COL6A5: variants seen among roughly 807,000 people sequenced by gnomAD.
COL6A5 encodes the protein collagen type VI alpha 5 chain, also known as collagen alpha-5(VI) chain.
A neutral mutation model predicts 65.6 loss-of-function variants in COL6A5; 48 were observed. The ratio of observed to expected loss-of-function variants is 0.73; its 90% CI spans 0.58 to 0.93. The LOEUF is 0.93. Ranked by LOEUF, COL6A5 falls within the 40% of genes least tolerant of loss-of-function variation. The pLI, the probability that COL6A5 is intolerant of heterozygous loss-of-function variation, is 0.00. For missense variants in COL6A5, 914 were observed against 928.3 expected, an observed-to-expected ratio of 0.98 and a Z score of 0.20; for synonymous variants, 291 against 322.8, an observed-to-expected ratio of 0.90 and a Z score of 1.05.
chr3:130,368,083 C>T (rs1325907901), intron 1 of COL6A5, among the ~76,000 whole-genome samples: 2 of 152,190 alleles, frequency 1.3e-5, no homozygotes, highest in African/African-American at 4.8e-5. Flanking sequence ...CCAGAGCTGA[C>T]CCTGGAAGAT....
intron 1 of COL6A5, among the ~76,000 whole-genome samples, chr3:130,363,998 T>C (rs1935236418): frequency 1.3e-5 from 2 of 152,176 alleles, no homozygotes; most frequent in Non-Finnish European, 2.9e-5. Flanking sequence ...GCTTAGTTTT[T>C]CACTTGTTTT....
At chr3:130,438,030 G>T (rs573624720) in intron 1 of COL6A5, among the ~76,000 whole-genome samples, 3 of 151,848 alleles carry the variant, frequency 2.0e-5, no homozygotes, top group Non-Finnish European at 4.4e-5. Context: ...GAAAAGTCTC[G>T]CTCTGTCACC....
At chr3:130,447,022 C>T (rs932603567) in intron 4 of COL6A5, among the ~76,000 whole-genome samples, 5 of 152,094 alleles carry the variant, frequency 3.3e-5, no homozygotes, top group Non-Finnish European at 5.9e-5. Context: ...GCGATTGGCC[C>T]GTTCCACCAC....
intron 7 of COL6A5, among the ~76,000 whole-genome samples, chr3:130,472,878 T>C (rs1559921559): frequency 7.2e-6 from 1 of 138,070 alleles, no homozygotes; most frequent in Non-Finnish European, 1.6e-5. Flanking sequence ...TAAATATAGA[T>C]ATAGTTAAAG....
chr3:130,455,231 G>T (rs1229909419), intron 4 of COL6A5, among the ~76,000 whole-genome samples: 2 of 151,664 alleles, frequency 1.3e-5, no homozygotes, highest in Non-Finnish European at 2.9e-5. Flanking sequence ...ATAGGCTCTA[G>T]ACAGTTGTGA....
chr3:130,424,348 A>G lies in COL6A5; in HGVS notation c.5163+448A>G, dbSNP rs546375068. Among the ~76,000 whole-genome samples, 9 of 152,164 alleles carry G rather than the reference A, an allele frequency of 5.9e-5. No individual in the cohort carries two copies. The South Asian group carries it at 1.5e-3, about 25-fold the overall frequency. ...TGGAAATATAGGCGCAACTTCCCCT[A>G]TGATTCTATTACAAGAAAAATGGCA... On this transcript the variant is annotated intron_variant and NMD_transcript_variant, in intron 29 of 41. Coordinates refer to the COL6A5 transcript ENST00000312481.
At chr3:130,431,316 C>G (rs1352419242), upstream of COL6A5, 1 of 888,390 alleles carries the variant, frequency 1.1e-6, no homozygotes, top group African/African-American at 1.7e-5. Flanking sequence ...GATTTCTTTC[C>G]TTTCTTTGCA....
chr3:130,381,852 T>C (rs1936006835), intron 4 of COL6A5, among the ~76,000 whole-genome samples: 1 of 152,110 alleles, frequency 6.6e-6, no homozygotes, highest in South Asian at 2.1e-4. Context: ...TTTCAGGAGT[T>C]TGCAATGATG....
intron 1 of COL6A5, among the ~76,000 whole-genome samples, chr3:130,350,287 A>G (rs1461964398): frequency 2.0e-5 from 3 of 152,194 alleles, no homozygotes; most frequent in Non-Finnish European, 4.4e-5. Flanking sequence ...CCTATTCAAC[A>G]TAGTGTTGGA....
chr3:130,397,612 G>A lies in COL6A5; in HGVS notation c.3598G>A (p.Asp1200Asn), dbSNP rs756549440. 2.2e-4 allele frequency: 334 copies of A among 1,550,960 alleles called. No individual in the cohort carries two copies. In the Middle Eastern group the frequency reaches 4.1e-3, roughly 19 times the overall value. The change falls in exon 9 of 42, where the codon GAC (aspartate) becomes AAC (asparagine). Residue 1200 changes from aspartate (D) to asparagine (N), a missense_variant and NMD_transcript_variant. Physicochemically the swap from Asp to Asn is conservative, Grantham distance 23. Transcript: ENST00000312481. Reference sequence around the variant, plus strand: ...CTTTATGGACATAGTGGTTGGGTTTGACATCTCCACTCATGTGCAGGGGCA... The same window carrying A: ...CTTTATGGACATAGTGGTTGGGTTTAACATCTCCACTCATGTGCAGGGGCA...
intron 2 of COL6A5, 120 bp from the exon 3 acceptor site, chr3:130,376,117 A>T: frequency 9.8e-7 from 1 of 1,022,170 alleles, no homozygotes; most frequent in Non-Finnish European, 1.3e-6. Context: ...TCCAGAAGAC[A>T]CTTTTCTTGG....
chr3:130,389,004 A>C, exon 6 of COL6A5: 5 of 1,546,320 alleles, frequency 3.2e-6, no homozygotes, highest in Non-Finnish European at 4.4e-6. Flanking sequence ...TCTCTGTAGG[A>C]GTATACAATG....
chr3:130,413,406 A>C, intron 20 of COL6A5, 139 bp from the exon 21 acceptor site: 1 of 749,290 alleles, frequency 1.3e-6, no homozygotes, highest in South Asian at 1.7e-5. Flanking sequence ...AAGCTTGTCT[A>C]TGGAAAATGC....
At chr3:130,462,033 G>C (rs944607445) in intron 5 of COL6A5, among the ~76,000 whole-genome samples, 3 of 151,992 alleles carry the variant, frequency 2.0e-5, no homozygotes, top group African/African-American at 7.2e-5. Flanking sequence ...TCGGAGAAAA[G>C]GATGAAGTCT....
At chr3:130,416,341 A>AT (rs1337718806) in intron 23 of COL6A5, among the ~76,000 whole-genome samples, 2 of 152,074 alleles carry the variant, frequency 1.3e-5, no homozygotes, top group African/African-American at 4.8e-5. Context: ...ACGTCTGCCC[A>AT]TTTTTTTATT....
intron 4 of COL6A5, among the ~76,000 whole-genome samples, chr3:130,446,174 T>G (rs1709298545): frequency 6.6e-6 from 1 of 152,158 alleles, no homozygotes; most frequent in Non-Finnish European, 1.5e-5. Flanking sequence ...TAACATTAAA[T>G]GCAGTGCCTT....
intron 4 of COL6A5, among the ~76,000 whole-genome samples, chr3:130,453,371 T>A (rs1001385896): frequency 6.6e-6 from 1 of 152,150 alleles, no homozygotes; most frequent in African/African-American, 2.4e-5. Context: ...CTTCAGCGGG[T>A]CCCTCCGTTT....
chr3:130,388,522 A>C, intron 5 of COL6A5, 58 bp from the exon 6 acceptor site: 3 of 1,327,626 alleles, frequency 2.3e-6, no homozygotes, highest in Non-Finnish European at 3.0e-6. Flanking sequence ...CCTTAATGTT[A>C]CTTCATGAGA....
chr3:130,432,350 C>A (rs980472638), intron 1 of COL6A5, among the ~76,000 whole-genome samples: 1 of 151,984 alleles, frequency 6.6e-6, no homozygotes, highest in African/African-American at 2.4e-5. Flanking sequence ...GTCAGGAGAT[C>A]GAGACCATCC....
Sources: allele counts gnomAD v4.1 joint callset (sites outside exome capture counted in the v4.1 genomes callset), GRCh38; gene constraint gnomAD v4.1.1; transcripts MANE v1.5; gene names NCBI Gene and HGNC (gene_info 2026-07-23, HGNC 2026-07-21).